Variants in RIPOR1 observed in about 807,000 individuals in gnomAD.
RIPOR1 encodes RHO family interacting cell polarization regulator 1.
A neutral mutation model predicts 116.5 loss-of-function variants in RIPOR1; 58 were observed. The observed-to-expected ratio is 0.50, with a 90% CI of 0.40 to 0.62. The LOEUF (loss-of-function observed/expected upper bound fraction) is 0.62. Ranked by LOEUF, RIPOR1 falls within the 20% of genes least tolerant of loss-of-function variation. The pLI, the probability that RIPOR1 is intolerant of heterozygous loss-of-function variation, is 0.00. For synonymous variants in RIPOR1, 605 were observed against 650.0 expected (o/e 0.93, Z 1.05); for missense variants, 1,372 against 1,586.2 (o/e 0.86, Z 2.29).
Position 67,538,475 on chromosome 16 carries a change from G to A in RIPOR1, c.29G>A (p.Arg10His). MMSLSVRPQ[R>H]RLLSARVNRS... ...ATGTCCCTGTCGGTGCGGCCGCAGCGCCGTCTGCTCAGCGCCCGGGTCAAT... is the reference window on the plus strand; with the variant it reads ...ATGTCCCTGTCGGTGCGGCCGCAGCACCGTCTGCTCAGCGCCCGGGTCAAT... The change falls in exon 2 of 22, where the codon CGC becomes CAC. Residue 10 changes from arginine to histidine, a missense_variant. This residue lies in a region of RIPOR1 where 165 missense variants were observed against 145.5 expected (regional missense o/e 1.13). Coordinates refer to ENST00000042381, the MANE Select transcript of RIPOR1 (RefSeq NM_024519.4). 2 of 1,610,270 alleles carry A rather than the reference G, an allele frequency of 1.2e-6. No individual in the cohort carries two copies. Among genetic ancestry groups the A allele is most frequent in the Non-Finnish European group, 1.7e-6 (2 of 1,178,722 alleles).
At position 67,545,378 on chromosome 16, in the gene RIPOR1, T is replaced by G; in HGVS notation, c.3034T>G (p.Cys1012Gly). 1 of 1,613,742 alleles carries G rather than the reference T, an allele frequency of 6.2e-7. No homozygotes were observed. The highest frequency in any genetic ancestry group is 1.1e-5 in the South Asian group (1 of 91,064). ...LRQPGLAEAV[C>G]VKFLEDALGQ... ...GCCCATGCTACTGCCTCCTGCAGTGTGTGTGAAGTTCCTGGAGGATGCCCT... is the reference window on the plus strand; with the variant it reads ...GCCCATGCTACTGCCTCCTGCAGTGGGTGTGAAGTTCCTGGAGGATGCCCT... The change falls in exon 18 of 22, where the codon TGT becomes GGT. Residue 1012 changes from cysteine (C) to glycine (G), a missense_variant and splice_region_variant. By Grantham distance (159) the Cys-to-Gly change is radical. Around this residue, in one of 3 missense-constraint regions of RIPOR1, gnomAD observed 1,005 missense variants for 1,144.7 expected, o/e 0.88. Transcript: ENST00000042381. This position sits in a 1 kb window ranked among gnomAD's most constrained non-coding sequence, Gnocchi z 4.8.
intron 1 of RIPOR1, 133 bp from the exon 2 acceptor site, chr16:67,538,291 C>G (rs1027371496): frequency 8.0e-7 from 1 of 1,254,718 alleles, no homozygotes; most frequent in East Asian, 2.6e-5. Context: ...CGGGACTAGG[C>G]GGACCCGGCC....
chr16:67,539,123 A>C lies in RIPOR1; in HGVS notation c.336+55A>C. On this transcript the variant is annotated intron_variant, in intron 4 of 21. Transcript: ENST00000042381. ...GCCTCTTTGGTGTGGAGGGCTGGGC[A>C]AGGGCAGCCCTGGGTGATATCTGGG... 8 of 1,467,950 alleles carry C rather than the reference A, an allele frequency of 5.4e-6. No individual in the cohort carries two copies. In the South Asian group the frequency reaches 9.3e-5, roughly 17 times the overall value. The allele number at this position is 1,467,950 out of a possible 1,614,324, so 90.9% of individuals were successfully genotyped here.
In RIPOR1 at chr16:67,531,067, C is replaced by T. The variant is rs2050648868; in HGVS notation, c.-24+2153C>T. Among the ~76,000 whole-genome samples the T allele has an allele frequency of 6.6e-6, 1 of 152,054 alleles. No homozygotes were observed. The highest frequency in any genetic ancestry group is 2.4e-5 in the African/African-American group (1 of 41,366). On this transcript the variant is annotated intron_variant, in intron 1 of 21. Transcript: ENST00000042381. This position sits in a 1 kb window ranked among gnomAD's most constrained non-coding sequence, Gnocchi z 4.2. ...GGGATGGTGGCAGCAGAGGGCCAAC[C>T]AGAGAGAGAAAAGTGATGGAACAGT... is the stretch of plus-strand genomic sequence containing the variant.
At position 67,520,013 on chromosome 16, in the gene RIPOR1, G is replaced by C. The variant is rs528586621; in HGVS notation, c.-24+1400G>C. Among the ~76,000 whole-genome samples, 163 of 136,764 alleles carry C rather than the reference G, an allele frequency of 1.2e-3. 1 individual carries two copies. The highest frequency in any genetic ancestry group is 4.1e-3 in the African/African-American group (155 of 37,438). 89.7% of individuals were successfully genotyped at this position (136,764 alleles called of 152,430 possible). ...GGAGGCAGAGGTTGCAGTGAGCCGA[G>C]ATGGCGCCATTGAACTCCAGCCTGG... On this transcript the variant is annotated intron_variant, in intron 1 of 1. Coordinates refer to the RIPOR1 transcript ENST00000562116.
At position 67,529,954 on chromosome 16, in the gene RIPOR1, G is replaced by C; in HGVS notation, c.-24+1040G>C. On this transcript the variant is annotated intron_variant, in intron 1 of 21. Transcript: ENST00000042381. This position sits in a 1 kb window ranked among gnomAD's most constrained non-coding sequence, Gnocchi z 4.1. ...TGCGACACCCACCTCCGTGGTATTGGAGGGAGGAGAGGAATGATAATTGGG... is the reference window on the plus strand; with the variant it reads ...TGCGACACCCACCTCCGTGGTATTGCAGGGAGGAGAGGAATGATAATTGGG... 1.2e-6 allele frequency: 1 copy of C among 802,482 alleles called. No individual in the cohort carries two copies. The highest frequency in any genetic ancestry group is 1.4e-5 in the South Asian group (1 of 69,300). The allele number at this position is 802,482 out of a possible 1,614,324, so 49.7% of individuals were successfully genotyped here. A position where few individuals can be genotyped will look rare whatever the true frequency, so the allele number is the denominator to read the frequency against.
upstream of RIPOR1, among the ~76,000 whole-genome samples, chr16:67,524,227 G>C (rs916919708): frequency 6.6e-5 from 10 of 152,222 alleles, no homozygotes; most frequent in Non-Finnish European, 1.3e-4. Flanking sequence ...CAGTGGTAAA[G>C]CCAGGACTTG....
upstream of RIPOR1, among the ~76,000 whole-genome samples, chr16:67,524,605 C>G (rs1292627519): frequency 6.6e-6 from 1 of 152,140 alleles, no homozygotes; most frequent in Non-Finnish European, 1.5e-5. Flanking sequence ...ATTACCTTTC[C>G]CTTAACCAGA....
Position 67,538,046 on chromosome 16 carries a change from G to T in RIPOR1, c.-23-378G>T, listed in dbSNP as rs548717923. On this transcript the variant is annotated intron_variant, in intron 1 of 21. Transcript: ENST00000042381. ...GGTGCCCTGGGGGGGGAAATCGGGG[G>T]CAGGGCTGGGGAGGCTGCCCCGCCC... 485 of 213,948 alleles carry T rather than the reference G, an allele frequency of 2.3e-3. 4 individuals carry two copies. The highest frequency in any genetic ancestry group is 9.5e-3 in the African/African-American group (418 of 43,862). 13.3% of individuals were successfully genotyped at this position (213,948 alleles called of 1,614,324 possible). A position where few individuals can be genotyped will look rare whatever the true frequency, so the allele number is the denominator to read the frequency against.
At chr16:67,527,647 C>A (rs34969810), upstream of RIPOR1, among the ~76,000 whole-genome samples, 1 of 152,026 alleles carries the variant, frequency 6.6e-6, no homozygotes, top group South Asian at 2.1e-4. Context: ...GAGGCCAAGG[C>A]GGGCAGATCA....
At position 67,540,723 on chromosome 16, in the gene RIPOR1, ACGGC is replaced by A; in HGVS notation, c.801+20_801+23del. On this transcript the variant is annotated intron_variant, in intron 10 of 21. Coordinates refer to ENST00000042381, the MANE Select transcript of RIPOR1 (RefSeq NM_024519.4). This position sits in a 1 kb window ranked among gnomAD's most constrained non-coding sequence, Gnocchi z 4.7. ...TATTAAGGTGATGTCTCTGCCCAGG[ACGGC>A]AGGCCACCATGGCCCTGTGAACCCC... 2 of 1,562,608 alleles carry A rather than the reference ACGGC, an allele frequency of 1.3e-6. No homozygotes were observed. Among genetic ancestry groups the A allele is most frequent in the Non-Finnish European group, 1.7e-6 (2 of 1,154,334 alleles).
rs752780985 is a variant in RIPOR1, at chr16:67,529,812, T to A, written c.-24+898T>A. The A allele has an allele frequency of 6.5e-7, 1 of 1,535,980 alleles. No homozygotes were observed. Among genetic ancestry groups the A allele is most frequent in the South Asian group, 1.2e-5 (1 of 84,056 alleles). On this transcript the variant is annotated intron_variant, in intron 1 of 21. Coordinates refer to ENST00000042381, the MANE Select transcript of RIPOR1 (RefSeq NM_024519.4). The surrounding 1 kb of genome is among the most constrained non-coding windows in gnomAD (Gnocchi z 4.1). ...CCGCATTCGGCCAACGCACAGCATCTGAGGAGGGTTATGACCATCTGGCAG... is the reference window on the plus strand; with the variant it reads ...CCGCATTCGGCCAACGCACAGCATCAGAGGAGGGTTATGACCATCTGGCAG...
At chr16:67,538,396 T>C in intron 1 of RIPOR1, 28 bp from the exon 2 acceptor site, 1 of 1,549,238 alleles carries the variant, frequency 6.5e-7, no homozygotes, top group Non-Finnish European at 8.7e-7. Context: ...ATCCGACTGG[T>C]ACTGGACACC....
chr16:67,534,961 G>C (rs1410665842), intron 1 of RIPOR1, among the ~76,000 whole-genome samples: 3 of 147,680 alleles, frequency 2.0e-5, no homozygotes, highest in Non-Finnish European at 3.0e-5. Context: ...TCCTGCCTCA[G>C]CCGCCCAGGT....
chr16:67,529,818 G>A lies in RIPOR1; in HGVS notation c.-24+904G>A, dbSNP rs1414872363. Reference sequence around the variant, plus strand: ...TCGGCCAACGCACAGCATCTGAGGAGGGTTATGACCATCTGGCAGATGCAG... The same window carrying A: ...TCGGCCAACGCACAGCATCTGAGGAAGGTTATGACCATCTGGCAGATGCAG... On this transcript the variant is annotated intron_variant, in intron 1 of 21. Coordinates refer to ENST00000042381, the MANE Select transcript of RIPOR1 (RefSeq NM_024519.4). This position sits in a 1 kb window ranked among gnomAD's most constrained non-coding sequence, Gnocchi z 4.1. 12 of 1,536,042 alleles carry A rather than the reference G, an allele frequency of 7.8e-6. No homozygotes were observed. The highest frequency in any genetic ancestry group is 8.7e-6 in the Non-Finnish European group (10 of 1,146,884).
In RIPOR1 at chr16:67,540,255, G is replaced by A. The variant is rs769122522; in HGVS notation, c.568-45G>A. ...AGAGGCACAGGGTGTGGCAGGGCTA[G>A]TGGCTGGCCCTTGACCCCCTCCTGT... On this transcript the variant is annotated intron_variant, in intron 7 of 21. Transcript: ENST00000042381. This position sits in a 1 kb window ranked among gnomAD's most constrained non-coding sequence, Gnocchi z 4.7. 1 of 1,613,746 alleles carries A rather than the reference G, an allele frequency of 6.2e-7. No individual in the cohort carries two copies. The highest frequency in any genetic ancestry group is 1.1e-5 in the South Asian group (1 of 91,080).
chr16:67,539,775 G>C (rs1363038792), intron 5 of RIPOR1, 24 bp downstream of exon 5: 3 of 1,614,084 alleles, frequency 1.9e-6, no homozygotes, highest in Non-Finnish European at 2.5e-6. Flanking sequence ...GAATGGTACT[G>C]GAAGGGGTTG....
Position 67,530,849 on chromosome 16 carries a change from GTTC to G in RIPOR1, c.-24+1938_-24+1940del, listed in dbSNP as rs1316081296. Among the ~76,000 whole-genome samples the G allele has an allele frequency of 6.6e-6, 1 of 152,132 alleles. No homozygotes were observed. Among genetic ancestry groups the G allele is most frequent in the Non-Finnish European group, 1.5e-5 (1 of 68,010 alleles). ...TGACATGAGCCCAGAGAGTCCCCTG[GTTC>G]TTATCAGCCAGTCCCCCACCAGTTG... On this transcript the variant is annotated intron_variant, in intron 1 of 21. Coordinates refer to ENST00000042381, the MANE Select transcript of RIPOR1 (RefSeq NM_024519.4). This position sits in a 1 kb window ranked among gnomAD's most constrained non-coding sequence, Gnocchi z 4.5.
At position 67,540,505 on chromosome 16, in the gene RIPOR1, T is replaced by G. The variant is rs75204333; in HGVS notation, c.675+4T>G. 1.2e-6 allele frequency: 2 copies of G among 1,613,922 alleles called. No homozygotes were observed. The highest frequency in any genetic ancestry group is 2.2e-5 in the South Asian group (2 of 91,092). The stretch of plus-strand genomic sequence containing the variant: ...GTGTGTAGGCGATCAGTATGAGGTA[T>G]GAGAATGTGCAGGGAAGGGCTGGGT... On this transcript the variant is annotated splice_donor_region_variant and intron_variant, in intron 9 of 21. Transcript: ENST00000042381. The surrounding 1 kb of genome is among the most constrained non-coding windows in gnomAD (Gnocchi z 4.7).
Sources: allele counts gnomAD v4.1 joint callset (sites outside exome capture counted in the v4.1 genomes callset), GRCh38; gene constraint gnomAD v4.1.1; regional missense constraint gnomAD v4.1.1; non-coding constraint Gnocchi (gnomAD v3.1); transcripts MANE v1.5; gene names NCBI Gene and HGNC (gene_info 2026-07-23, HGNC 2026-07-21).